CHRM2: variants seen among roughly 807,000 people sequenced by gnomAD.
CHRM2 encodes muscarinic acetylcholine receptor M2.
In CHRM2, 8 loss-of-function variants were observed where a neutral mutation model predicts 25.0. The ratio of observed to expected loss-of-function variants is 0.32; its 90% confidence interval spans 0.19 to 0.58. The LOEUF is 0.58. Among genes scored for constraint, CHRM2 ranks in the 20% least tolerant of loss-of-function variants. The probability of loss-of-function intolerance (pLI) is 0.88; values close to 1 mark genes in which losing one functional copy is unlikely to be tolerated. For missense variants in CHRM2, 440 were observed against 567.1 expected (o/e 0.78, Z 2.28); for synonymous variants, 202 against 205.7 (o/e 0.98, Z 0.15).
At chr7:136,921,949 T>C (rs1173166158) in intron 2 of CHRM2, among the ~76,000 whole-genome samples, 1 of 152,070 alleles carries the variant, frequency 6.6e-6, no homozygotes, top group East Asian at 1.9e-4. Flanking sequence ...GTATTTCTAG[T>C]ACAGACAGGG....
At chr7:137,008,971 C>G (rs1241123416) in intron 3 of CHRM2, among the ~76,000 whole-genome samples, 2 of 152,036 alleles carry the variant, frequency 1.3e-5, no homozygotes, top group Non-Finnish European at 2.9e-5. Context: ...ACAGCACTTG[C>G]TGGGTCTGTT....
intron 2 of CHRM2, among the ~76,000 whole-genome samples, chr7:136,991,654 T>C (rs1803240463): frequency 6.6e-6 from 1 of 152,120 alleles, no homozygotes; most frequent in African/African-American, 2.4e-5. Context: ...AGGTGCACTT[T>C]TTCATAGATA....
intron 2 of CHRM2, among the ~76,000 whole-genome samples, chr7:136,956,832 T>A (rs1800752082): frequency 6.6e-6 from 1 of 151,162 alleles, no homozygotes; most frequent in Admixed American, 6.6e-5. Flanking sequence ...TGAAGGTTTT[T>A]TTTTTCCTCT....
intron 2 of CHRM2, among the ~76,000 whole-genome samples, chr7:136,900,659 T>C (rs554832299): frequency 6.6e-6 from 1 of 152,052 alleles, no homozygotes; most frequent in African/African-American, 2.4e-5. Context: ...TTCTAAGAAA[T>C]GGCACAGAAT....
At chr7:136,926,705 G>C (rs1355627885) in intron 2 of CHRM2, among the ~76,000 whole-genome samples, 1 of 152,162 alleles carries the variant, frequency 6.6e-6, no homozygotes, top group Non-Finnish European at 1.5e-5. Flanking sequence ...AGAGAATTGA[G>C]ACCCAGGAGT....
chr7:136,892,551 A>G (rs1036098354), intron 2 of CHRM2, among the ~76,000 whole-genome samples: 1 of 152,318 alleles, frequency 6.6e-6, no homozygotes, highest in African/African-American at 2.4e-5. Flanking sequence ...TAATGAGTTC[A>G]TTTGGGCCCA....
intron 3 of CHRM2, among the ~76,000 whole-genome samples, chr7:137,012,612 A>C (rs1369289108): frequency 6.6e-6 from 1 of 151,950 alleles, no homozygotes; most frequent in Non-Finnish European, 1.5e-5. Flanking sequence ...ACAAATATCT[A>C]CCTGTTTTAC....
intron 3 of CHRM2, among the ~76,000 whole-genome samples, chr7:136,994,886 T>C (rs1227713768): frequency 6.6e-6 from 1 of 152,128 alleles, no homozygotes; most frequent in Admixed American, 6.6e-5. Flanking sequence ...ATATACTGTA[T>C]TCATTGTTTT....
At chr7:136,914,915 C>G (rs963410514) in intron 2 of CHRM2, among the ~76,000 whole-genome samples, 8 of 151,840 alleles carry the variant, frequency 5.3e-5, no homozygotes, top group African/African-American at 1.9e-4. Flanking sequence ...ATAAGAAGGG[C>G]ATTGGTTCTT....
intron 3 of CHRM2, 35 bp from the exon 4 acceptor site, chr7:137,014,785 A>G: frequency 8.1e-7 from 1 of 1,229,942 alleles, no homozygotes; most frequent in Non-Finnish European, 1.2e-6. Flanking sequence ...CAATGTTTAT[A>G]TTATGTTTGT....
intron 2 of CHRM2, among the ~76,000 whole-genome samples, chr7:136,990,037 G>A (rs865999012): frequency 1.5e-4 from 23 of 151,976 alleles, no homozygotes; most frequent in African/African-American, 5.6e-4. Context: ...ATTATTCTCT[G>A]CTGCATCATC....
intron 2 of CHRM2, chr7:136,870,955 G>A (rs2130444576): frequency 6.6e-6 from 1 of 152,564 alleles, no homozygotes. Flanking sequence ...CTTAGCGCTG[G>A]GTGGCAGTGG....
chr7:136,955,548 C>G (rs1800674047), intron 2 of CHRM2, among the ~76,000 whole-genome samples: 1 of 152,156 alleles, frequency 6.6e-6, no homozygotes. Context: ...GTATCCATGG[C>G]CATGACAGAA....
At position 137,015,556 on chromosome 7, in the gene CHRM2, G is replaced by A. The variant is rs76394680; in HGVS notation, c.691G>A (p.Val231Ile). The A allele has an allele frequency of 5.5e-3, 8,819 of 1,612,814 alleles. 29 individuals are homozygous for A. The highest frequency in any genetic ancestry group is 6.6e-3 in the Non-Finnish European group (7,822 of 1,179,492). ...KKEPVANQDP[V>I]SPSLVQGRIV... The stretch of plus-strand genomic sequence containing the variant: ...GGAGCCTGTTGCCAACCAAGACCCC[G>A]TTTCTCCAAGTCTGGTACAAGGAAG... Residue 231 changes from valine to isoleucine, a missense_variant, in exon 4 of 4, where the codon GTT becomes ATT. Physicochemically the swap from Val to Ile is conservative, Grantham distance 29. Coordinates refer to ENST00000680005, the MANE Select transcript of CHRM2 (RefSeq NM_001006630.2). The surrounding 1 kb of genome is among the most constrained non-coding windows in gnomAD (Gnocchi z 5.1).
chr7:137,006,016 G>A (rs190844469), intron 3 of CHRM2, among the ~76,000 whole-genome samples: 80 of 152,052 alleles, frequency 5.3e-4, no homozygotes, highest in African/African-American at 1.8e-3. Flanking sequence ...TCTTCCTTGC[G>A]GGAACAAAAC....
intron 2 of CHRM2, among the ~76,000 whole-genome samples, chr7:136,877,421 T>A (rs951838237): frequency 2.0e-5 from 3 of 152,062 alleles, no homozygotes; most frequent in Non-Finnish European, 1.5e-5. Context: ...CTATTTCTTA[T>A]TTTTTTCCTT....
chr7:136,957,179 G>A (rs1800773725), intron 2 of CHRM2, among the ~76,000 whole-genome samples: 1 of 152,162 alleles, frequency 6.6e-6, no homozygotes, highest in African/African-American at 2.4e-5. Flanking sequence ...GATTTGGATG[G>A]CAATTTCTGT....
chr7:136,958,022 T>G (rs1326134350), intron 2 of CHRM2, among the ~76,000 whole-genome samples: 1 of 152,244 alleles, frequency 6.6e-6, no homozygotes, highest in Admixed American at 6.5e-5. Context: ...TGCTTGATAT[T>G]ATGTAATCTA....
chr7:136,949,242 T>G (rs1205957445), intron 2 of CHRM2, among the ~76,000 whole-genome samples: 5 of 152,098 alleles, frequency 3.3e-5, no homozygotes, highest in Non-Finnish European at 5.9e-5. Flanking sequence ...ATAAGTAGCT[T>G]CATTTTTTAA....
Sources: gnomAD v4.1 joint callset for allele counts (sites outside exome capture counted in the v4.1 genomes callset) on GRCh38, gnomAD v4.1.1 for gene constraint, Gnocchi (gnomAD v3.1) non-coding constraint, MANE v1.5 for transcripts, NCBI Gene and HGNC (gene_info 2026-07-23, HGNC 2026-07-21) for gene names.